Variants in SMYD3 observed in about 807,000 individuals in gnomAD.
SMYD3 encodes the protein SET and MYND domain containing 3.
Under a neutral mutation model 57.7 loss-of-function variants are expected in SMYD3, and 36 were observed. The ratio of observed to expected loss-of-function variants is 0.62; its 90% CI spans 0.48 to 0.82. The LOEUF (loss-of-function observed/expected upper bound fraction) is 0.82, where lower values mean the gene tolerates loss of function less well. Among genes scored for constraint, SMYD3 ranks in the 40% least tolerant of loss-of-function variants. SMYD3 has a pLI of 0.00. For synonymous variants in SMYD3, 211 were observed against 195.0 expected (o/e 1.08, Z -0.68); for missense variants, 515 against 538.8 (o/e 0.96, Z 0.44).
At chr1:246,033,914 C>T (rs35552585) in intron 5 of SMYD3, among the ~76,000 whole-genome samples, 69,373 of 151,668 alleles carry the variant, frequency 0.46, 17,949 homozygotes, top group East Asian at 0.96. Context: ...GTTACAAAGT[C>T]CTCTCTGTGT....
intron 1 of SMYD3, among the ~76,000 whole-genome samples, chr1:246,374,310 C>T (rs1250112200): frequency 1.3e-5 from 2 of 152,122 alleles, no homozygotes; most frequent in Non-Finnish European, 2.9e-5. Context: ...TTATCTGTAA[C>T]TCCAAAATCA....
intron 10 of SMYD3, among the ~76,000 whole-genome samples, chr1:245,784,948 C>T (rs1468696227): frequency 6.8e-6 from 1 of 147,716 alleles, no homozygotes; most frequent in Non-Finnish European, 1.5e-5. Context: ...CTCCCGGGTT[C>T]AAGGGATCCT....
chr1:246,066,978 T>C (rs2060352808), intron 5 of SMYD3, among the ~76,000 whole-genome samples: 1 of 152,226 alleles, frequency 6.6e-6, no homozygotes, highest in Non-Finnish European at 1.5e-5. Flanking sequence ...ATTCAGTACT[T>C]TATCTCAGTA....
chr1:246,325,513 A>C (rs1271331475), intron 5 of SMYD3, among the ~76,000 whole-genome samples: 1 of 152,114 alleles, frequency 6.6e-6, no homozygotes, highest in Non-Finnish European at 1.5e-5. Context: ...TAGCAATAAC[A>C]AATATTATGT....
intron 5 of SMYD3, among the ~76,000 whole-genome samples, chr1:246,050,430 GTT>G (rs1332790120): frequency 3.3e-5 from 5 of 152,172 alleles, no homozygotes; most frequent in African/African-American, 1.2e-4. Flanking sequence ...AAACTGGGTG[GTT>G]TTTCACCTAG....
intron 1 of SMYD3, among the ~76,000 whole-genome samples, chr1:246,504,644 T>C (rs2068508185): frequency 6.6e-6 from 1 of 152,174 alleles, no homozygotes; most frequent in African/African-American, 2.4e-5. Flanking sequence ...TGTTAATTGC[T>C]ACAAACTAAC....
At chr1:245,836,426 C>T (rs970923039) in intron 10 of SMYD3, among the ~76,000 whole-genome samples, 21 of 152,188 alleles carry the variant, frequency 1.4e-4, no homozygotes, top group Non-Finnish European at 5.9e-5. Flanking sequence ...CATAGGGAGC[C>T]GTCTTCGTGC....
intron 5 of SMYD3, among the ~76,000 whole-genome samples, chr1:245,955,403 T>C (rs2057810027): frequency 1.3e-5 from 2 of 151,962 alleles, no homozygotes; most frequent in Non-Finnish European, 2.9e-5. Flanking sequence ...TGTCTTTTCT[T>C]TTTTTTTGGC....
At position 245,787,549 on chromosome 1, in the gene SMYD3, G is replaced by A. The variant is rs139809970; in HGVS notation, c.1077-23400C>T. 2.1e-3 allele frequency among the ~76,000 whole-genome samples: 321 copies of A among 151,766 alleles called. 1 individual carries two copies. Among genetic ancestry groups the A allele is most frequent in the African/African-American group, 7.3e-3 (300 of 41,344 alleles). On this transcript the variant is annotated intron_variant, in intron 10 of 11. Transcript: ENST00000490107. ...CACAAATGCTGCCTTCTCCAGAGCA[G>A]CTTTCTCCAGAAGTTCCCTCTTTAC...
intron 5 of SMYD3, among the ~76,000 whole-genome samples, chr1:246,146,169 G>C (rs972501315): frequency 6.6e-6 from 1 of 152,152 alleles, no homozygotes; most frequent in Non-Finnish European, 1.5e-5. Context: ...CATGTTCTCC[G>C]ATAAGGAAAA....
At chr1:246,152,037 C>T (rs751115097) in intron 5 of SMYD3, among the ~76,000 whole-genome samples, 4 of 152,208 alleles carry the variant, frequency 2.6e-5, no homozygotes, top group Non-Finnish European at 4.4e-5. Context: ...TCACTGAGAA[C>T]GCTGTTTCTG....
intron 5 of SMYD3, among the ~76,000 whole-genome samples, chr1:246,003,891 AT>A (rs1213830605): frequency 1.3e-5 from 2 of 152,218 alleles, no homozygotes; most frequent in Non-Finnish European, 1.5e-5. Context: ...TACACAAGTG[AT>A]TATCCTAGAG....
Position 246,057,048 on chromosome 1 carries a change from A to G in SMYD3, c.532-127111T>C, listed in dbSNP as rs776469026. Among the ~76,000 whole-genome samples, 10 of 152,306 alleles carry G rather than the reference A, an allele frequency of 6.6e-5. 1 individual carries two copies. Among genetic ancestry groups the G allele is most frequent in the Middle Eastern group, 3.4e-3 (1 of 294 alleles). On this transcript the variant is annotated intron_variant, in intron 5 of 11. Coordinates refer to ENST00000490107, the MANE Select transcript of SMYD3 (RefSeq NM_001167740.2). ...CACAGTAGCACCTGCCTGTGGTCCC[A>G]GCTACTCCGGAAGCTGTGGTAGAAA... is the stretch of plus-strand genomic sequence containing the variant.
chr1:246,248,024 A>C (rs1044029668), intron 5 of SMYD3, among the ~76,000 whole-genome samples: 1 of 152,136 alleles, frequency 6.6e-6, no homozygotes, highest in Admixed American at 6.5e-5. Flanking sequence ...CGTTGCAGAG[A>C]TTCATTCTAT....
intron 10 of SMYD3, among the ~76,000 whole-genome samples, chr1:245,791,965 T>C (rs2047292853): frequency 1.3e-5 from 2 of 151,710 alleles, no homozygotes. Flanking sequence ...TGTGTGTGTG[T>C]GTGTGTGTGT....
intron 1 of SMYD3, among the ~76,000 whole-genome samples, chr1:246,485,296 A>G (rs2068169399): frequency 6.6e-6 from 1 of 152,226 alleles, no homozygotes; most frequent in African/African-American, 2.4e-5. Context: ...CTGAAAACAT[A>G]TCACTTCAAC....
At chr1:246,434,954 A>G (rs1018763877) in intron 1 of SMYD3, among the ~76,000 whole-genome samples, 2 of 152,222 alleles carry the variant, frequency 1.3e-5, no homozygotes, top group Non-Finnish European at 2.9e-5. Flanking sequence ...GTGGAATAGT[A>G]TTCTGCTCCC....
intron 11 of SMYD3, among the ~76,000 whole-genome samples, chr1:245,758,992 C>A (rs957538074): frequency 8.5e-5 from 13 of 152,310 alleles, no homozygotes; most frequent in Middle Eastern, 3.4e-3. Context: ...AGTGATGACA[C>A]CCTGTTACTG....
chr1:246,463,774 T>C (rs2067841562), intron 1 of SMYD3, among the ~76,000 whole-genome samples: 1 of 136,688 alleles, frequency 7.3e-6, no homozygotes, highest in Non-Finnish European at 1.5e-5. Context: ...AGGCGGAGTT[T>C]GCAGTGAGCC....
Sources: gnomAD v4.1 joint callset for allele counts (sites outside exome capture counted in the v4.1 genomes callset) on GRCh38, gnomAD v4.1.1 for gene constraint, MANE v1.5 for transcripts, NCBI Gene and HGNC (gene_info 2026-07-23, HGNC 2026-07-21) for gene names.